The following ACOXL variants were observed in gnomAD, a reference collection of about 807,000 sequenced individuals.
ACOXL encodes the protein acyl-CoA oxidase like.
ACOXL carries 70 observed loss-of-function variants against 71.9 expected under a neutral mutation model. The ratio of observed to expected loss-of-function variants is 0.97; its 90% confidence interval spans 0.80 to 1.19. The LOEUF is 1.19. ACOXL is among the 50% of genes most tolerant of loss of function. The probability of loss-of-function intolerance (pLI) is 0.00; values close to 1 mark genes in which losing one functional copy is unlikely to be tolerated. For synonymous variants in ACOXL, 253 were observed against 281.6 expected, an observed-to-expected ratio of 0.90 and a Z score of 1.02; for missense variants, 703 against 736.3, an observed-to-expected ratio of 0.95 and a Z score of 0.52.
At chr2:110,744,999 G>C (rs547105441) in intron 1 of ACOXL, among the ~76,000 whole-genome samples, 1 of 152,220 alleles carries the variant, frequency 6.6e-6, no homozygotes, top group Non-Finnish European at 1.5e-5. Flanking sequence ...CCCCAAGTTT[G>C]CCTTGCCAGT....
At chr2:111,080,232 G>T (rs1248170484) in intron 16 of ACOXL, among the ~76,000 whole-genome samples, 1 of 152,076 alleles carries the variant, frequency 6.6e-6, no homozygotes, top group African/African-American at 2.4e-5. Context: ...GCTCTGCTCT[G>T]ATCTTAGTTA....
At position 110,943,055 on chromosome 2, in the gene ACOXL, G is replaced by GAAAAGGAAGGAAGAA. The variant is rs1363444260; in HGVS notation, c.1059+9422_1059+9423insGAAGAAAAAAGGAAG. Among the ~76,000 whole-genome samples the GAAAAGGAAGGAAGAA allele has an allele frequency of 2.0e-3, 273 of 135,468 alleles. 2 individuals are homozygous for GAAAAGGAAGGAAGAA. Among genetic ancestry groups the GAAAAGGAAGGAAGAA allele is most frequent in the African/African-American group, 7.2e-3 (266 of 36,752 alleles). The allele number at this position is 135,468 out of a possible 152,430, so 88.9% of individuals were successfully genotyped here. ...AGGAAGGAAAGAAGGAAGGAAGAAA[G>GAAAAGGAAGGAAGAA]AAAAGGAAGAAGGAAGGAAGAAAAG... On this transcript the variant is annotated intron_variant, in intron 12 of 17. Coordinates refer to ENST00000439055, the MANE Select transcript of ACOXL (RefSeq NM_001142807.4).
intron 15 of ACOXL, 75 bp from the exon 16 acceptor site, chr2:111,049,143 A>G: frequency 8.8e-7 from 1 of 1,141,630 alleles, no homozygotes; most frequent in Non-Finnish European, 1.3e-6. Context: ...TTATAACCAC[A>G]GTGTCCTCCT....
intron 1 of ACOXL, among the ~76,000 whole-genome samples, chr2:110,741,968 C>T (rs1677605050): frequency 6.6e-6 from 1 of 152,194 alleles, no homozygotes; most frequent in African/African-American, 2.4e-5. Context: ...TCTCACAAAC[C>T]TGCAAGGGAT....
chr2:110,892,231 A>G (rs1698003145), intron 10 of ACOXL, among the ~76,000 whole-genome samples: 1 of 152,174 alleles, frequency 6.6e-6, no homozygotes, highest in African/African-American at 2.4e-5. Context: ...GACCTTTGGG[A>G]TGGAGCCAGG....
chr2:110,874,652 G>A (rs34677074), intron 10 of ACOXL, among the ~76,000 whole-genome samples: 7,601 of 152,290 alleles, frequency 0.05, 283 homozygotes, highest in South Asian at 0.18. Context: ...TAATAATGGT[G>A]CTACCACATG....
chr2:111,102,448 G>T (rs1574770201), intron 17 of ACOXL, among the ~76,000 whole-genome samples: 1 of 152,168 alleles, frequency 6.6e-6, no homozygotes, highest in Non-Finnish European at 1.5e-5. Context: ...ACAAGAGAGG[G>T]CAAATTGTTT....
In ACOXL at chr2:111,016,767, A is replaced by G. The variant is rs566431104; in HGVS notation, c.1282-14860A>G. ...CTGACAGATGGTGGGGGTGGTCTGT[A>G]CCAGTAGCCAGGGTCACAGAAGCCT... is the stretch of plus-strand genomic sequence containing the variant. On this transcript the variant is annotated intron_variant, in intron 14 of 17. Transcript: ENST00000439055. 221 of 152,928 alleles carry G rather than the reference A, an allele frequency of 1.4e-3. 1 individual carries two copies. Among genetic ancestry groups the G allele is most frequent in the Non-Finnish European group, 2.6e-3 (177 of 68,548 alleles). 9.5% of individuals were successfully genotyped at this position (152,928 alleles called of 1,614,324 possible).
rs928075631 is a variant in ACOXL at position 111,044,500 on chromosome 2, C to T, written c.1370-4718C>T. Among the ~76,000 whole-genome samples the T allele has an allele frequency of 6.6e-5, 10 of 152,248 alleles. No homozygotes were observed. In the East Asian group the frequency reaches 9.7e-4, roughly 15 times the overall value. On this transcript the variant is annotated intron_variant, in intron 15 of 17. Transcript: ENST00000439055. The stretch of plus-strand genomic sequence containing the variant: ...ATCGAGGGCCCTGGCGCAAAGATTG[C>T]GAGAGAAGCTGAAAGAACATTCTGA...
intron 1 of ACOXL, among the ~76,000 whole-genome samples, chr2:110,767,966 ACACACACACACAC>A (rs1681324509): frequency 6.9e-6 from 1 of 145,712 alleles, no homozygotes. Context: ...ACACACACAC[ACACACACACACAC>A]AAATTAGCTG....
intron 14 of ACOXL, among the ~76,000 whole-genome samples, chr2:111,028,437 T>G (rs2065115119): frequency 6.6e-6 from 1 of 151,962 alleles, no homozygotes. Flanking sequence ...TTTGCAGGTT[T>G]AAGCCACTGT....
At chr2:111,045,939 G>A (rs919632220) in intron 15 of ACOXL, among the ~76,000 whole-genome samples, 1 of 152,322 alleles carries the variant, frequency 6.6e-6, no homozygotes, top group South Asian at 2.1e-4. Flanking sequence ...ACAAAACGGG[G>A]TCATGGCTGT....
chr2:110,805,446 C>T, intron 9 of ACOXL, 51 bp downstream of exon 9: 1 of 1,609,472 alleles, frequency 6.2e-7, no homozygotes, highest in African/African-American at 1.3e-5. Flanking sequence ...TCTCTCACGA[C>T]TCAGGGATGA....
chr2:110,808,757 G>A (rs1400860129), intron 9 of ACOXL, among the ~76,000 whole-genome samples: 2 of 152,178 alleles, frequency 1.3e-5, no homozygotes, highest in Non-Finnish European at 2.9e-5. Context: ...CCTGCATGTG[G>A]TTCCTCTGAC....
At chr2:111,084,185 G>T (rs1199700552) in intron 16 of ACOXL, among the ~76,000 whole-genome samples, 2 of 150,788 alleles carry the variant, frequency 1.3e-5, no homozygotes, top group Non-Finnish European at 3.0e-5. Context: ...AAACGGTTAT[G>T]ATTTGAGACA....
At chr2:110,806,151 T>C (rs1327858540) in intron 9 of ACOXL, among the ~76,000 whole-genome samples, 1 of 152,214 alleles carries the variant, frequency 6.6e-6, no homozygotes, top group African/African-American at 2.4e-5. Context: ...TCCGGAGTCG[T>C]CTGAATAGCA....
intron 9 of ACOXL, among the ~76,000 whole-genome samples, chr2:110,811,719 T>G (rs1687333832): frequency 2.0e-5 from 2 of 99,014 alleles, no homozygotes; most frequent in African/African-American, 3.4e-5. Flanking sequence ...ATCCTTTTTG[T>G]TTTTTTTGCA....
At chr2:110,777,257 G>A (rs1682770439) in intron 2 of ACOXL, among the ~76,000 whole-genome samples, 1 of 152,178 alleles carries the variant, frequency 6.6e-6, no homozygotes, top group Non-Finnish European at 1.5e-5. Context: ...GACAGAGAAG[G>A]GGAGGCCCAA....
intron 10 of ACOXL, among the ~76,000 whole-genome samples, chr2:110,877,354 C>T (rs1696055455): frequency 1.3e-5 from 2 of 152,196 alleles, no homozygotes; most frequent in Admixed American, 6.5e-5. Context: ...TCAACAGCCC[C>T]GAATCACCAA....
Sources: allele counts gnomAD v4.1 joint callset (sites outside exome capture counted in the v4.1 genomes callset), GRCh38; gene constraint gnomAD v4.1.1; transcripts MANE v1.5; gene names NCBI Gene and HGNC (gene_info 2026-07-23, HGNC 2026-07-21).